KSR2: variants seen among roughly 807,000 people sequenced by gnomAD.
KSR2 encodes kinase suppressor of ras 2.
In KSR2, 25 loss-of-function variants were observed where a neutral mutation model predicts 107.8. That is an observed-to-expected ratio of 0.23 (90% CI 0.17 to 0.32). KSR2 has a LOEUF of 0.32. Among genes scored for constraint, KSR2 ranks in the 10% least tolerant of loss-of-function variants. The probability of loss-of-function intolerance (pLI) is 1.00; values close to 1 mark genes in which losing one functional copy is unlikely to be tolerated. For missense variants in KSR2, 887 were observed against 1,268.9 expected, an observed-to-expected ratio of 0.70 and a Z score of 4.57; for synonymous variants, 480 against 507.0, an observed-to-expected ratio of 0.95 and a Z score of 0.71.
chr12:117,895,923 G>T (rs980141300), intron 1 of KSR2, among the ~76,000 whole-genome samples: 1 of 152,166 alleles, frequency 6.6e-6, no homozygotes, highest in African/African-American at 2.4e-5. Flanking sequence ...GCTAGGTATG[G>T]TGGTGGGTGC....
At chr12:117,847,618 G>C (rs1892750118) in intron 3 of KSR2, among the ~76,000 whole-genome samples, 1 of 152,030 alleles carries the variant, frequency 6.6e-6, no homozygotes, top group Admixed American at 6.5e-5. Context: ...CCGGAAAAGA[G>C]ATCCAGACAC....
chr12:117,552,037 A>G (rs1877347337), intron 9 of KSR2, among the ~76,000 whole-genome samples: 1 of 152,188 alleles, frequency 6.6e-6, no homozygotes, highest in Non-Finnish European at 1.5e-5. Context: ...GGGATGCACA[A>G]TTATTATACT....
At chr12:117,483,829 T>C (rs796650828) in intron 16 of KSR2, among the ~76,000 whole-genome samples, 9 of 152,362 alleles carry the variant, frequency 5.9e-5, no homozygotes, top group African/African-American at 2.2e-4. Flanking sequence ...CATTGGGCAC[T>C]GGGTGGATGC....
intron 5 of KSR2, among the ~76,000 whole-genome samples, chr12:117,593,998 T>C (rs1186978669): frequency 6.6e-6 from 1 of 152,234 alleles, no homozygotes; most frequent in Non-Finnish European, 1.5e-5. Context: ...GTGTGATGGA[T>C]GGGTCTTAAG....
intron 1 of KSR2, among the ~76,000 whole-genome samples, chr12:117,886,243 TTATA>T (rs1013247213): frequency 2.3e-4 from 35 of 149,426 alleles, no homozygotes; most frequent in African/African-American, 8.0e-4. Context: ...TGTATATGTA[TTATA>T]TATGTATGTT....
At chr12:117,786,720 G>A (rs984347971) in intron 3 of KSR2, among the ~76,000 whole-genome samples, 1 of 152,164 alleles carries the variant, frequency 6.6e-6, no homozygotes, top group Non-Finnish European at 1.5e-5. Context: ...GGAGGCTGAG[G>A]CAGGAGAATC....
intron 6 of KSR2, among the ~76,000 whole-genome samples, chr12:117,579,456 G>A (rs1228920161): frequency 6.6e-6 from 1 of 152,174 alleles, no homozygotes; most frequent in African/African-American, 2.4e-5. Context: ...CAAGGGCTTC[G>A]TACAGTGGCT....
chr12:117,849,088 C>T (rs1281401343), intron 3 of KSR2, among the ~76,000 whole-genome samples: 1 of 152,094 alleles, frequency 6.6e-6, no homozygotes, highest in Non-Finnish European at 1.5e-5. Context: ...ATTCCATACT[C>T]CTAGAAGATG....
intron 17 of KSR2, 23 bp from the exon 18 acceptor site, chr12:117,471,343 G>C: frequency 6.2e-7 from 1 of 1,608,812 alleles, no homozygotes; most frequent in Non-Finnish European, 8.5e-7. Context: ...GTTGTTAAAG[G>C]GGTGTTGGTG....
At chr12:117,613,632 T>C (rs1881719240) in intron 5 of KSR2, among the ~76,000 whole-genome samples, 1 of 152,174 alleles carries the variant, frequency 6.6e-6, no homozygotes, top group South Asian at 2.1e-4. Flanking sequence ...TGAACCTTGG[T>C]CACTGGAAGA....
chr12:117,595,837 C>A (rs1410109802), intron 5 of KSR2, among the ~76,000 whole-genome samples: 1 of 152,202 alleles, frequency 6.6e-6, no homozygotes, highest in African/African-American at 2.4e-5. Flanking sequence ...TGATTTTCCA[C>A]TGGGAAACTA....
chr12:117,570,055 T>C (rs1878777919), intron 7 of KSR2, among the ~76,000 whole-genome samples: 1 of 150,688 alleles, frequency 6.6e-6, no homozygotes, highest in African/African-American at 2.4e-5. Flanking sequence ...CAGGCTGGAG[T>C]GCAGTGGCGT....
intron 3 of KSR2, among the ~76,000 whole-genome samples, chr12:117,770,411 C>T (rs1248312605): frequency 6.6e-6 from 1 of 152,078 alleles, no homozygotes; most frequent in Non-Finnish European, 1.5e-5. Flanking sequence ...CCGATTCTCT[C>T]CCAGAGCCTT....
At chr12:117,861,600 G>C (rs371010136) in intron 1 of KSR2, among the ~76,000 whole-genome samples, 20 of 151,858 alleles carry the variant, frequency 1.3e-4, no homozygotes, top group African/African-American at 4.6e-4. Context: ...ATGTTAGCCA[G>C]GATGGTCTCG....
chr12:117,765,356 A>G (rs772389922), intron 3 of KSR2, among the ~76,000 whole-genome samples: 1 of 152,168 alleles, frequency 6.6e-6, no homozygotes, highest in Non-Finnish European at 1.5e-5. Flanking sequence ...AAATGGAAAG[A>G]ATATGGGATT....
chr12:117,797,224 A>C (rs1268590540), intron 3 of KSR2, among the ~76,000 whole-genome samples: 1 of 152,252 alleles, frequency 6.6e-6, no homozygotes, highest in East Asian at 1.9e-4. Context: ...CAAAAGGTGG[A>C]AACAATCACC....
intron 5 of KSR2, among the ~76,000 whole-genome samples, chr12:117,614,811 GC>G (rs1307048886): frequency 6.6e-6 from 1 of 152,152 alleles, no homozygotes; most frequent in Non-Finnish European, 1.5e-5. Context: ...TGTCACCATT[GC>G]CTCTGGAATT....
At chr12:117,880,866 C>T (rs1236398703) in intron 1 of KSR2, among the ~76,000 whole-genome samples, 2 of 151,958 alleles carry the variant, frequency 1.3e-5, no homozygotes, top group Non-Finnish European at 2.9e-5. Flanking sequence ...GACGGGGATT[C>T]ACCATGTTGG....
At chr12:117,741,219 A>G (rs1888206545) in intron 4 of KSR2, among the ~76,000 whole-genome samples, 1 of 152,178 alleles carries the variant, frequency 6.6e-6, no homozygotes, top group Non-Finnish European at 1.5e-5. Flanking sequence ...ATGAGTCTAC[A>G]CTGATACAAG....
Sources: gnomAD v4.1 joint callset for allele counts (sites outside exome capture counted in the v4.1 genomes callset) on GRCh38, gnomAD v4.1.1 for gene constraint, MANE v1.5 for transcripts, NCBI Gene and HGNC (gene_info 2026-07-23, HGNC 2026-07-21) for gene names.